Variants in NR2F1-AS1 observed in about 807,000 individuals in gnomAD.
NR2F1-AS1 encodes NR2F1 antisense RNA 1.
chr5:93,410,824 A>AT (rs1268661430), intron 4 of NR2F1-AS1: 1 of 152,172 alleles, frequency 6.6e-6, no homozygotes, highest in Admixed American at 6.5e-5. Flanking sequence ...AAAAAACAGA[A>AT]TTTAATGCAA....
chr5:93,537,976 T>C (rs1184308081), intron 4 of NR2F1-AS1, among the ~76,000 whole-genome samples: 2 of 152,144 alleles, frequency 1.3e-5, no homozygotes, highest in Non-Finnish European at 1.5e-5. Flanking sequence ...ATGTGCATGG[T>C]AGGTGAATTG....
intron 4 of NR2F1-AS1, among the ~76,000 whole-genome samples, chr5:93,452,225 G>A (rs1451530468): frequency 6.6e-6 from 1 of 151,962 alleles, no homozygotes; most frequent in African/African-American, 2.4e-5. Flanking sequence ...ATCTTAAACA[G>A]TTTGACAAGG....
chr5:93,450,801 G>A (rs781371683), intron 4 of NR2F1-AS1, among the ~76,000 whole-genome samples: 16 of 151,226 alleles, frequency 1.1e-4, no homozygotes, highest in East Asian at 3.9e-4. Context: ...AGTGGCTCAC[G>A]CCTGTAATCC....
chr5:93,527,796 G>A (rs1751650900), intron 4 of NR2F1-AS1, among the ~76,000 whole-genome samples: 1 of 152,174 alleles, frequency 6.6e-6, no homozygotes, highest in Non-Finnish European at 1.5e-5. Flanking sequence ...CTAGCCATAT[G>A]CAGAAAACTG....
At chr5:93,527,615 A>T (rs1430189439) in intron 4 of NR2F1-AS1, among the ~76,000 whole-genome samples, 4 of 152,222 alleles carry the variant, frequency 2.6e-5, no homozygotes, top group African/African-American at 9.6e-5. Flanking sequence ...GGCTACAGTA[A>T]CCAAAACAGC....
intron 4 of NR2F1-AS1, among the ~76,000 whole-genome samples, chr5:93,519,425 T>C (rs1220179322): frequency 6.6e-6 from 1 of 152,024 alleles, no homozygotes; most frequent in East Asian, 1.9e-4. Context: ...CATAAAGATA[T>C]ATAGCCACAC....
intron 4 of NR2F1-AS1, among the ~76,000 whole-genome samples, chr5:93,505,499 G>A (rs1192319127): frequency 2.0e-5 from 3 of 152,190 alleles, no homozygotes; most frequent in Non-Finnish European, 4.4e-5. Context: ...TTCTCCATGA[G>A]GGCCCTGCCC....
chr5:93,517,419 C>T (rs1751419805), intron 4 of NR2F1-AS1, among the ~76,000 whole-genome samples: 1 of 151,930 alleles, frequency 6.6e-6, no homozygotes, highest in Non-Finnish European at 1.5e-5. Flanking sequence ...TCTTTACAAT[C>T]CTAATCAAAA....
At chr5:93,495,994 T>C (rs1750952538) in intron 4 of NR2F1-AS1, 1 of 152,102 alleles carries the variant, frequency 6.6e-6, no homozygotes, top group Non-Finnish European at 1.5e-5. Context: ...TACCTATGAT[T>C]TGAACATAAA....
chr5:93,535,780 A>T (rs1423712779), intron 4 of NR2F1-AS1, among the ~76,000 whole-genome samples: 2 of 152,174 alleles, frequency 1.3e-5, no homozygotes, highest in African/African-American at 4.8e-5. Context: ...GACAAAATTC[A>T]ACTTCTCTCC....
intron 4 of NR2F1-AS1, among the ~76,000 whole-genome samples, chr5:93,483,966 T>C (rs1303738407): frequency 6.6e-6 from 1 of 152,154 alleles, no homozygotes; most frequent in East Asian, 1.9e-4. Flanking sequence ...AGACCAAACC[T>C]ATGTTTGATT....
rs147566752 is a variant in NR2F1-AS1, at chr5:93,409,835, ATTGT to A, written n.639-14297_639-14294del. On this transcript the variant is annotated intron_variant and non_coding_transcript_variant, in intron 4 of 5. Coordinates refer to ENST00000660523, the Ensembl canonical transcript of NR2F1-AS1. Reference sequence around the variant, plus strand: ...TTAAATCCAGTTTATACAGAGCAACATTGTTTATTTAATAAGATGGAAATAGCAC... The same window carrying A: ...TTAAATCCAGTTTATACAGAGCAACATTATTTAATAAGATGGAAATAGCAC... 5.2e-3 allele frequency: 798 copies of A among 152,326 alleles called. 4 individuals are homozygous for A. Among genetic ancestry groups the A allele is most frequent in the African/African-American group, 0.018 (767 of 41,574 alleles). 9.4% of individuals were successfully genotyped at this position (152,326 alleles called of 1,614,324 possible). A position where few individuals can be genotyped will look rare whatever the true frequency, so the allele number is the denominator to read the frequency against.
chr5:93,523,036 C>G (rs1824153), intron 4 of NR2F1-AS1, among the ~76,000 whole-genome samples: 26,159 of 151,942 alleles, frequency 0.17, 3,513 homozygotes, highest in African/African-American at 0.38. Context: ...TAAAGCCAGG[C>G]AGCCAAGTGG....
intron 4 of NR2F1-AS1, among the ~76,000 whole-genome samples, chr5:93,523,602 G>A (rs557543827): frequency 6.6e-6 from 1 of 152,278 alleles, no homozygotes; most frequent in Admixed American, 6.5e-5. Flanking sequence ...ATAAAGAAGA[G>A]CTCCAGCTGG....
At chr5:93,577,406 C>T (rs1480428262) in intron 1 of NR2F1-AS1, among the ~76,000 whole-genome samples, 2 of 152,184 alleles carry the variant, frequency 1.3e-5, no homozygotes, top group African/African-American at 4.8e-5. Context: ...TAAGGGTAGG[C>T]AGTCCACCAG....
At chr5:93,445,193 CT>C in intron 4 of NR2F1-AS1, among the ~76,000 whole-genome samples, 1 of 152,212 alleles carries the variant, frequency 6.6e-6, no homozygotes, top group Non-Finnish European at 1.5e-5. Context: ...CAAGAAATAA[CT>C]AAGATCAGAG....
chr5:93,448,338 G>A (rs762363208), intron 4 of NR2F1-AS1, among the ~76,000 whole-genome samples: 6 of 152,128 alleles, frequency 3.9e-5, no homozygotes, highest in Non-Finnish European at 8.8e-5. Flanking sequence ...CATCTGACAA[G>A]ATAGACCTGT....
chr5:93,492,622 T>C (rs1191663708), intron 4 of NR2F1-AS1, among the ~76,000 whole-genome samples: 2 of 152,074 alleles, frequency 1.3e-5, no homozygotes, highest in East Asian at 1.9e-4. Flanking sequence ...TTAACACAGA[T>C]GTAAAATTCT....
At chr5:93,561,198 C>T (rs550443506) in intron 2 of NR2F1-AS1, among the ~76,000 whole-genome samples, 42 of 151,784 alleles carry the variant, frequency 2.8e-4, no homozygotes, top group Admixed American at 1.5e-3. Context: ...ACTTGAACCT[C>T]GGAGGCAGAG....
Sources: allele counts gnomAD v4.1 joint callset (sites outside exome capture counted in the v4.1 genomes callset), GRCh38; gene constraint gnomAD v4.1.1; transcripts MANE v1.5; gene names NCBI Gene and HGNC (gene_info 2026-07-23, HGNC 2026-07-21).